The following MYO16 variants were observed in gnomAD, a reference collection of about 807,000 sequenced individuals.
MYO16 encodes unconventional myosin-XVI.
Under a neutral mutation model 205.3 loss-of-function variants are expected in MYO16, and 94 were observed. The ratio of observed to expected loss-of-function variants is 0.46; its 90% CI spans 0.39 to 0.54. The LOEUF is 0.54. Ranked by LOEUF, MYO16 falls within the 20% of genes least tolerant of loss-of-function variation. MYO16 has a pLI of 0.00. For synonymous variants in MYO16, 988 were observed against 954.0 expected (o/e 1.04, Z -0.66); for missense variants, 2,315 against 2,387.5 (o/e 0.97, Z 0.63).
intron 22 of MYO16, among the ~76,000 whole-genome samples, chr13:109,016,868 G>C (rs1273147804): frequency 1.3e-5 from 2 of 151,908 alleles, no homozygotes; most frequent in African/African-American, 4.8e-5. Context: ...CTCTGCATGT[G>C]AGATGGGTCT....
chr13:108,525,125 A>G, the MYO16 span, among the ~76,000 whole-genome samples: 1 of 152,218 alleles, frequency 6.6e-6, no homozygotes, highest in South Asian at 2.1e-4. Flanking sequence ...CCCAGCGAGA[A>G]CGACCATTCA....
chr13:108,880,498 C>G (rs1879558684), intron 12 of MYO16, among the ~76,000 whole-genome samples: 1 of 152,108 alleles, frequency 6.6e-6, no homozygotes, highest in African/African-American at 2.4e-5. Context: ...GGTTTTAGGT[C>G]TAACATTTAA....
At position 109,140,073 on chromosome 13, in the gene MYO16, C is replaced by T. The variant is rs190042879; in HGVS notation, c.4052-191C>T. Among the ~76,000 whole-genome samples, 540 of 152,112 alleles carry T rather than the reference C, an allele frequency of 3.6e-3. 1 individual carries two copies. Among genetic ancestry groups the T allele is most frequent in the African/African-American group, 0.012 (508 of 41,488 alleles). On this transcript the variant is annotated intron_variant, in intron 31 of 34. Coordinates refer to ENST00000457511, the MANE Select transcript of MYO16 (RefSeq NM_001198950.3). The surrounding 1 kb of genome is among the most constrained non-coding windows in gnomAD (Gnocchi z 8.0). Reference sequence around the variant, plus strand: ...TTCTTCCATCTCCAAGATCAAAACTCTCTTTTCTTGGGGGTGGTCTCAGGA... The same window carrying T: ...TTCTTCCATCTCCAAGATCAAAACTTTCTTTTCTTGGGGGTGGTCTCAGGA...
intron 21 of MYO16, among the ~76,000 whole-genome samples, chr13:108,997,408 G>GGGGAA: frequency 1.2e-5 from 1 of 84,146 alleles, no homozygotes; most frequent in Non-Finnish European, 2.5e-5. Context: ...GGGAGAGTGG[G>GGGGAA]AGGAAAGGAA....
intron 9 of MYO16, among the ~76,000 whole-genome samples, chr13:108,842,199 A>G (rs1302397883): frequency 6.6e-6 from 1 of 152,168 alleles, no homozygotes; most frequent in Non-Finnish European, 1.5e-5. Flanking sequence ...ACAGATGACA[A>G]AAGAAAAAAT....
chr13:108,933,497 A>ATGTGTGTG (rs34277540), intron 16 of MYO16, among the ~76,000 whole-genome samples: 25 of 149,628 alleles, frequency 1.7e-4, no homozygotes, highest in African/African-American at 6.1e-4. Context: ...GATTATTTGG[A>ATGTGTGTG]TGTGTGTGTG....
intron 28 of MYO16, among the ~76,000 whole-genome samples, chr13:109,102,393 G>A (rs986819090): frequency 2.0e-5 from 3 of 151,966 alleles, no homozygotes; most frequent in Admixed American, 6.6e-5. Context: ...GTAGTCCACG[G>A]ATGATGTAAC....
chr13:109,140,799 C>T lies in MYO16; in HGVS notation c.4587C>T (p.Asp1529=), dbSNP rs369994120. The T allele has an allele frequency of 6.3e-6, 10 of 1,579,894 alleles. No homozygotes were observed. The highest frequency in any genetic ancestry group is 7.7e-6 in the Non-Finnish European group (9 of 1,165,950). ...CCGTCACCTGCTCCCCCGCCTCCGA[C>T]GAGTCGCCCCTGACACCCCTGGAGG... ...PTPVTCSPAS[D]ESPLTPLEVK... Residue 1529 remains aspartate (D), a synonymous_variant, in exon 32 of 35, where the codon GAC becomes GAT. Transcript: ENST00000457511. This position sits in a 1 kb window ranked among gnomAD's most constrained non-coding sequence, Gnocchi z 8.0.
the MYO16 span, among the ~76,000 whole-genome samples, chr13:108,566,715 GAGGA>G: frequency 3.5e-3 from 496 of 141,580 alleles, 4 homozygotes; most frequent in African/African-American, 0.012. Flanking sequence ...GAAAGGAAAG[GAGGA>G]AGGAAGGAAG....
intron 3 of MYO16, among the ~76,000 whole-genome samples, chr13:108,713,244 T>C (rs1883794904): frequency 6.6e-6 from 1 of 152,334 alleles, no homozygotes; most frequent in South Asian, 2.1e-4. Flanking sequence ...TTGCTGGTTC[T>C]GTTCAGGGCA....
intron 8 of MYO16, among the ~76,000 whole-genome samples, chr13:108,821,659 C>T (rs1273596762): frequency 6.6e-6 from 1 of 152,080 alleles, no homozygotes; most frequent in African/African-American, 2.4e-5. Flanking sequence ...ACATGGACTC[C>T]CATGGCATAC....
chr13:108,862,456 G>A (rs1206277624), intron 11 of MYO16, among the ~76,000 whole-genome samples: 1 of 152,138 alleles, frequency 6.6e-6, no homozygotes, highest in Non-Finnish European at 1.5e-5. Context: ...TCACAATTGT[G>A]AAGGAGGAGG....
intron 13 of MYO16, among the ~76,000 whole-genome samples, chr13:108,883,972 A>C (rs1342831249): frequency 6.6e-6 from 1 of 152,166 alleles, no homozygotes; most frequent in Non-Finnish European, 1.5e-5. Context: ...TAACTCACCA[A>C]TTAATAGAAA....
the MYO16 span, among the ~76,000 whole-genome samples, chr13:108,516,245 G>A: frequency 1.3e-5 from 2 of 151,556 alleles, no homozygotes; most frequent in South Asian, 2.1e-4. Flanking sequence ...TTTTCCAGGC[G>A]CGTCCGTCAC....
chr13:109,153,746 G>A (rs572603031), intron 32 of MYO16, among the ~76,000 whole-genome samples: 14 of 152,218 alleles, frequency 9.2e-5, no homozygotes, highest in African/African-American at 2.6e-4. Flanking sequence ...GCGACAGGGC[G>A]AGACTCTGTC....
At chr13:108,554,848 TAAAAAAAAAAAAAAA>T in the MYO16 span, among the ~76,000 whole-genome samples, 1 of 77,970 alleles carries the variant, frequency 1.3e-5, no homozygotes, top group Admixed American at 1.8e-4. Flanking sequence ...AGACTCTGAC[TAAAAAAAAAAAAAAA>T]AAAAAAAAAA....
chr13:108,837,869 T>C (rs921802560), intron 9 of MYO16, among the ~76,000 whole-genome samples: 50 of 151,332 alleles, frequency 3.3e-4, no homozygotes, highest in African/African-American at 1.1e-3. Flanking sequence ...ACTTGGTGAT[T>C]TTTTTTGTAC....
intron 1 of MYO16, among the ~76,000 whole-genome samples, chr13:108,649,739 G>C (rs1880915919): frequency 6.6e-6 from 1 of 152,112 alleles, no homozygotes; most frequent in South Asian, 2.1e-4. Context: ...AGAGAATAAA[G>C]CCAAGGGTGT....
the MYO16 span, among the ~76,000 whole-genome samples, chr13:108,555,333 A>G: frequency 6.6e-6 from 1 of 152,340 alleles, no homozygotes; most frequent in African/African-American, 2.4e-5. Flanking sequence ...TGACAAATAA[A>G]AATTGAATGT....
Sources: allele counts gnomAD v4.1 joint callset (sites outside exome capture counted in the v4.1 genomes callset), GRCh38; gene constraint gnomAD v4.1.1; non-coding constraint Gnocchi (gnomAD v3.1); transcripts MANE v1.5; gene names NCBI Gene and HGNC (gene_info 2026-07-23, HGNC 2026-07-21).